The following INTS9 variants were observed in gnomAD, a reference collection of about 807,000 sequenced individuals.
INTS9 encodes the protein integrator complex subunit 9.
In INTS9, 55 loss-of-function variants were observed where a neutral mutation model predicts 79.7. That is an observed-to-expected ratio of 0.69 (90% confidence interval 0.56 to 0.86). The LOEUF (loss-of-function observed/expected upper bound fraction) is 0.86, where lower values mean the gene tolerates loss of function less well. INTS9 is among the 40% of genes least tolerant of loss of function. The pLI, the probability that INTS9 is intolerant of heterozygous loss-of-function variation, is 0.00. For missense variants in INTS9, 721 were observed against 831.5 expected (o/e 0.87, Z 1.64); for synonymous variants, 319 against 325.2 (o/e 0.98, Z 0.20).
chr8:28,862,993 G>A (rs977735624), intron 1 of INTS9, among the ~76,000 whole-genome samples: 1 of 152,198 alleles, frequency 6.6e-6, no homozygotes, highest in African/African-American at 2.4e-5. Flanking sequence ...CCTTGTAGCA[G>A]AGTTGCTGGG....
chr8:28,874,432 G>A (rs1438739123), intron 1 of INTS9, among the ~76,000 whole-genome samples: 1 of 151,880 alleles, frequency 6.6e-6, no homozygotes, highest in Non-Finnish European at 1.5e-5. Context: ...TGAGACTACA[G>A]GCACCTGCCA....
At position 28,767,984 on chromosome 8, in the gene INTS9, A is replaced by ATAAG. The variant is rs1347535439; in HGVS notation, c.*158_*161dup. ...GTTCTTGCCTGAAACAGTGCTGGGA[A>ATAAG]TAAGTCCAGACCATTTCCCTCAAGA... On this transcript the variant is annotated 3_prime_UTR_variant, in exon 17 of 17. Coordinates refer to ENST00000521022, the MANE Select transcript of INTS9 (RefSeq NM_018250.4). 1 of 681,832 alleles carries ATAAG rather than the reference A, an allele frequency of 1.5e-6. No individual in the cohort carries two copies. The highest frequency in any genetic ancestry group is 2.5e-5 in the East Asian group (1 of 39,982). 42.2% of individuals were successfully genotyped at this position (681,832 alleles called of 1,614,324 possible).
At chr8:28,879,267 T>C (rs1809566450) in intron 1 of INTS9, among the ~76,000 whole-genome samples, 1 of 151,790 alleles carries the variant, frequency 6.6e-6, no homozygotes, top group Admixed American at 6.6e-5. Context: ...GCAAGTCTGG[T>C]TTAACATTCA....
chr8:28,813,025 A>G (rs573880228), intron 7 of INTS9, among the ~76,000 whole-genome samples: 1 of 152,300 alleles, frequency 6.6e-6, no homozygotes, highest in Non-Finnish European at 1.5e-5. Context: ...GAGAGATGAA[A>G]TATTACCAAA....
chr8:28,802,269 CTG>C (rs1409569557), intron 8 of INTS9, among the ~76,000 whole-genome samples: 3 of 152,206 alleles, frequency 2.0e-5, no homozygotes, highest in African/African-American at 4.8e-5. Flanking sequence ...AAAGCGAAGT[CTG>C]TGTCAATGTG....
intron 13 of INTS9, 146 bp downstream of exon 13, chr8:28,777,683 G>T: frequency 1.2e-6 from 1 of 831,158 alleles, no homozygotes; most frequent in Non-Finnish European, 1.7e-6. Flanking sequence ...GAGGGGGGCT[G>T]GCATGTGTCC....
chr8:28,769,766 C>A, intron 16 of INTS9, 123 bp downstream of exon 16: 1 of 1,294,228 alleles, frequency 7.7e-7, no homozygotes. Flanking sequence ...AAACAGATGC[C>A]ACAGGACAGT....
At chr8:28,872,242 G>A (rs1351887316) in intron 1 of INTS9, among the ~76,000 whole-genome samples, 1 of 152,178 alleles carries the variant, frequency 6.6e-6, no homozygotes, top group Non-Finnish European at 1.5e-5. Context: ...ACAGTAACTA[G>A]ATGGGTGCAA....
At chr8:28,841,691 A>G (rs1585452968) in intron 4 of INTS9, among the ~76,000 whole-genome samples, 1 of 152,144 alleles carries the variant, frequency 6.6e-6, no homozygotes, top group Non-Finnish European at 1.5e-5. Context: ...CCTGTTGACT[A>G]GAAGCCTTCC....
At chr8:28,860,054 G>T (rs919025501) in intron 1 of INTS9, among the ~76,000 whole-genome samples, 1 of 152,316 alleles carries the variant, frequency 6.6e-6, no homozygotes, top group South Asian at 2.1e-4. Context: ...ATGAGTAAAG[G>T]TTTATGCTCA....
intron 4 of INTS9, among the ~76,000 whole-genome samples, chr8:28,839,284 TA>T (rs1415134225): frequency 6.6e-6 from 1 of 151,832 alleles, no homozygotes; most frequent in Non-Finnish European, 1.5e-5. Context: ...CTCAATGAAA[TA>T]AAAGAGGATA....
At chr8:28,884,568 T>C (rs1810085313) in intron 1 of INTS9, among the ~76,000 whole-genome samples, 1 of 152,162 alleles carries the variant, frequency 6.6e-6, no homozygotes, top group Non-Finnish European at 1.5e-5. Flanking sequence ...AAGAGTAAAA[T>C]ATCCATCTTT....
chr8:28,781,213 TA>T (rs1361813021), intron 11 of INTS9, among the ~76,000 whole-genome samples: 2 of 151,968 alleles, frequency 1.3e-5, no homozygotes, highest in Non-Finnish European at 2.9e-5. Flanking sequence ...ACAGCCCTAT[TA>T]AAAAGTGGGC....
rs1803702784 is a variant in INTS9 at position 28,787,862 on chromosome 8, C to T, written c.1065G>A (p.Val355=). 2 of 1,606,846 alleles carry T rather than the reference C, an allele frequency of 1.2e-6. No homozygotes were observed. Among genetic ancestry groups the T allele is most frequent in the Non-Finnish European group, 1.7e-6 (2 of 1,174,488 alleles). ...EWLCHNKQSK[V]YLPEPPFPHA... Reference sequence around the variant, plus strand: ...GAGGAAAAGGTGGTTCTGGAAGATACACCTTACTCTGTTTGTTGTGACAAA... The same window carrying T: ...GAGGAAAAGGTGGTTCTGGAAGATATACCTTACTCTGTTTGTTGTGACAAA... Residue 355 remains valine (V), a synonymous_variant, in exon 11 of 17, where the codon GTG becomes GTA. Transcript: ENST00000521022.
chr8:28,807,872 A>G (rs546193395), intron 8 of INTS9, among the ~76,000 whole-genome samples: 1 of 152,358 alleles, frequency 6.6e-6, no homozygotes, highest in East Asian at 1.9e-4. Flanking sequence ...CAGTCACAAG[A>G]TAAGAAAAAT....
chr8:28,889,876 G>C lies in INTS9; in HGVS notation c.7C>G (p.Leu3Val). 1 of 1,613,816 alleles carries C rather than the reference G, an allele frequency of 6.2e-7. No homozygotes were observed. Among genetic ancestry groups the C allele is most frequent in the Non-Finnish European group, 8.5e-7 (1 of 1,179,814 alleles). The change falls in exon 1 of 17, where the codon CTG becomes GTG. Residue 3 changes from leucine (L) to valine (V), a missense_variant and splice_region_variant. By Grantham distance (32) the Leu-to-Val change is conservative. Coordinates refer to ENST00000521022, the MANE Select transcript of INTS9 (RefSeq NM_018250.4). ...CTGACCTAGGAGCGAAGACTCACCA[G>C]TTTCATAATGGACTTTTGGTGGTTC... is the stretch of plus-strand genomic sequence containing the variant. MK[L>V]YCLSGHPTLP...
intron 1 of INTS9, among the ~76,000 whole-genome samples, chr8:28,881,163 G>C (rs1185814628): frequency 6.8e-6 from 1 of 147,228 alleles, no homozygotes; most frequent in Non-Finnish European, 1.5e-5. Flanking sequence ...CGCCCCGTCC[G>C]GGAGGTGAGG....
At chr8:28,879,520 C>T (rs1809580428) in intron 1 of INTS9, among the ~76,000 whole-genome samples, 1 of 152,100 alleles carries the variant, frequency 6.6e-6, no homozygotes. Context: ...TCAATGATGC[C>T]TGCTTGTACT....
chr8:28,775,949 G>A, intron 13 of INTS9, 23 bp from the exon 14 acceptor site: 1 of 1,524,128 alleles, frequency 6.6e-7, no homozygotes, highest in Non-Finnish European at 8.8e-7. Flanking sequence ...TGGGACAGTT[G>A]AGAAAGGTGG....
Sources: gnomAD v4.1 joint callset for allele counts (sites outside exome capture counted in the v4.1 genomes callset) on GRCh38, gnomAD v4.1.1 for gene constraint, MANE v1.5 for transcripts, NCBI Gene and HGNC (gene_info 2026-07-23, HGNC 2026-07-21) for gene names.